The following GRIK4 variants were observed in gnomAD, a reference collection of about 807,000 sequenced individuals.
GRIK4 encodes the protein glutamate receptor ionotropic, kainate 4.
In GRIK4, 40 loss-of-function variants were observed where a neutral mutation model predicts 104.9. The ratio of observed to expected loss-of-function variants is 0.38; its 90% CI spans 0.30 to 0.50. The LOEUF (loss-of-function observed/expected upper bound fraction) is 0.50, where lower values mean the gene tolerates loss of function less well. Among genes scored for constraint, GRIK4 ranks in the 20% least tolerant of loss-of-function variants. The pLI, the probability that GRIK4 is intolerant of heterozygous loss-of-function variation, is 0.93. For synonymous variants in GRIK4, 485 were observed against 524.9 expected (o/e 0.92, Z 1.04); for missense variants, 1,047 against 1,308.1 (o/e 0.80, Z 3.08).
At chr11:120,966,614 C>T (rs887861747) in intron 18 of GRIK4, among the ~76,000 whole-genome samples, 1 of 152,154 alleles carries the variant, frequency 6.6e-6, no homozygotes, top group Non-Finnish European at 1.5e-5. Flanking sequence ...TCAAGTGATC[C>T]GCCCATCTCA....
At chr11:120,618,933 G>A (rs937645104) in intron 1 of GRIK4, among the ~76,000 whole-genome samples, 1 of 152,220 alleles carries the variant, frequency 6.6e-6, no homozygotes, top group Non-Finnish European at 1.5e-5. Flanking sequence ...GAAGTATGGG[G>A]TTGGAGCCTC....
At chr11:120,520,599 G>A (rs986772846) in intron 1 of GRIK4, among the ~76,000 whole-genome samples, 2 of 152,158 alleles carry the variant, frequency 1.3e-5, no homozygotes, top group Admixed American at 6.5e-5. Context: ...GAGGTTAAAA[G>A]CAGTCCTGCC....
At chr11:120,758,574 C>T (rs1049721030) in intron 3 of GRIK4, among the ~76,000 whole-genome samples, 1 of 152,126 alleles carries the variant, frequency 6.6e-6, no homozygotes, top group Non-Finnish European at 1.5e-5. Context: ...TGAGAAATCC[C>T]GTAGTAAAGG....
intron 1 of GRIK4, among the ~76,000 whole-genome samples, chr11:120,581,814 C>CT (rs576341557): frequency 1.4e-3 from 194 of 142,512 alleles, no homozygotes; most frequent in Admixed American, 3.5e-3. Flanking sequence ...TTCTTTTTTT[C>CT]TTTTTTTTTT....
intron 1 of GRIK4, among the ~76,000 whole-genome samples, chr11:120,584,005 C>T (rs1948623303): frequency 6.6e-6 from 1 of 152,154 alleles, no homozygotes; most frequent in South Asian, 2.1e-4. Context: ...CTTGATTTGG[C>T]TTTCATCTTG....
At chr11:120,606,517 C>G (rs1948965062) in intron 1 of GRIK4, among the ~76,000 whole-genome samples, 1 of 152,246 alleles carries the variant, frequency 6.6e-6, no homozygotes, top group African/African-American at 2.4e-5. Flanking sequence ...ACTGTGTCCT[C>G]CCACAGGCCT....
At chr11:120,942,496 GCCTT>G (rs1227751816) in intron 14 of GRIK4, among the ~76,000 whole-genome samples, 1 of 152,158 alleles carries the variant, frequency 6.6e-6, no homozygotes, top group Non-Finnish European at 1.5e-5. Context: ...GGGAACTAAA[GCCTT>G]CCTGGTGACT....
intron 13 of GRIK4, among the ~76,000 whole-genome samples, chr11:120,935,900 T>C (rs529053331): frequency 6.6e-6 from 1 of 152,266 alleles, no homozygotes; most frequent in Non-Finnish European, 1.5e-5. Flanking sequence ...AAAAAGACAC[T>C]GTACAGTTAA....
At chr11:120,561,604 G>A (rs945174163) in intron 1 of GRIK4, among the ~76,000 whole-genome samples, 2 of 152,236 alleles carry the variant, frequency 1.3e-5, no homozygotes, top group African/African-American at 4.8e-5. Flanking sequence ...TATAGAAAGG[G>A]TGTCCCAGGC....
intron 1 of GRIK4, among the ~76,000 whole-genome samples, chr11:120,521,801 A>C (rs1947799234): frequency 1.3e-5 from 2 of 152,086 alleles, no homozygotes; most frequent in African/African-American, 4.8e-5. Flanking sequence ...TCTTGAAGTA[A>C]CTCGAGATCA....
Position 120,882,909 on chromosome 11 carries a change from C to G in GRIK4, c.1164+7666C>G, listed in dbSNP as rs553479260. On this transcript the variant is annotated intron_variant, in intron 11 of 20. Coordinates refer to ENST00000527524, the MANE Select transcript of GRIK4 (RefSeq NM_014619.5). ...CAGGCATGCCAGGCTCTCTCGCATG[C>G]CCTTGCCAGTGCACCCGTACCCACT... Among the ~76,000 whole-genome samples, 807 of 152,292 alleles carry G rather than the reference C, an allele frequency of 5.3e-3. 4 individuals are homozygous for G. Among genetic ancestry groups the G allele is most frequent in the Middle Eastern group, 0.014 (4 of 294 alleles).
chr11:120,692,427 G>C (rs1031533589), intron 3 of GRIK4, among the ~76,000 whole-genome samples: 7 of 152,196 alleles, frequency 4.6e-5, no homozygotes, highest in African/African-American at 1.4e-4. Context: ...GCAGGCTAGT[G>C]GGGGAGGTGG....
Position 120,555,082 on chromosome 11 carries a change from G to A in GRIK4, c.-159+43195G>A, listed in dbSNP as rs994362188. 6.6e-5 allele frequency among the ~76,000 whole-genome samples: 10 copies of A among 152,196 alleles called. No homozygotes were observed. The highest frequency in any genetic ancestry group is 5.2e-4 in the Admixed American group (8 of 15,284). ...TGAAGCCTGTGAGGCATGAGAAGGC[G>A]CTCTGCAGCCCGAGACCACAGGCTG... On this transcript the variant is annotated intron_variant, in intron 1 of 20. Transcript: ENST00000527524. This position sits in a 1 kb window ranked among gnomAD's most constrained non-coding sequence, Gnocchi z 5.3.
chr11:120,644,360 C>A (rs1284051363), intron 1 of GRIK4, among the ~76,000 whole-genome samples: 1 of 151,916 alleles, frequency 6.6e-6, no homozygotes, highest in African/African-American at 2.4e-5. Context: ...TTATTGATAA[C>A]TTAACTATGT....
chr11:120,915,513 A>AC, intron 13 of GRIK4, among the ~76,000 whole-genome samples: 1 of 151,040 alleles, frequency 6.6e-6, no homozygotes, highest in Non-Finnish European at 1.5e-5. Context: ...AGGTGCGCAC[A>AC]CCCCAGAAGA....
chr11:120,852,279 C>T (rs551349056), intron 8 of GRIK4, among the ~76,000 whole-genome samples: 44 of 152,328 alleles, frequency 2.9e-4, no homozygotes, highest in African/African-American at 9.9e-4. Context: ...CTGCCTTCCT[C>T]TTCCTGGAAG....
At chr11:120,651,564 G>A (rs1310341305) in intron 1 of GRIK4, among the ~76,000 whole-genome samples, 1 of 152,204 alleles carries the variant, frequency 6.6e-6, no homozygotes, top group Non-Finnish European at 1.5e-5. Context: ...TGTACCCACA[G>A]TTGTAGTGCT....
rs115602376 is a variant in GRIK4 at position 120,887,056 on chromosome 11, T to C, written c.1165-11476T>C. Among the ~76,000 whole-genome samples the C allele has an allele frequency of 9.6e-3, 1,463 of 152,356 alleles. 21 individuals carry two copies. Among genetic ancestry groups the C allele is most frequent in the African/African-American group, 0.033 (1,355 of 41,576 alleles). On this transcript the variant is annotated intron_variant, in intron 11 of 20. Transcript: ENST00000527524. The stretch of plus-strand genomic sequence containing the variant: ...ATTCCATCTTGGAAAGCTCTCATTC[T>C]TGGAAAGTTCTTCTATCTATTGGGC...
At chr11:120,760,238 G>A (rs1330164757) in intron 3 of GRIK4, among the ~76,000 whole-genome samples, 1 of 151,400 alleles carries the variant, frequency 6.6e-6, no homozygotes, top group Non-Finnish European at 1.5e-5. Context: ...CTGAGATAAT[G>A]CAATATTTGT....
Sources: allele counts gnomAD v4.1 joint callset (sites outside exome capture counted in the v4.1 genomes callset), GRCh38; gene constraint gnomAD v4.1.1; non-coding constraint Gnocchi (gnomAD v3.1); transcripts MANE v1.5; gene names NCBI Gene and HGNC (gene_info 2026-07-23, HGNC 2026-07-21).